CACNG4: variants seen among roughly 807,000 people sequenced by gnomAD.
CACNG4 encodes calcium voltage-gated channel auxiliary subunit gamma 4, also known as voltage-dependent calcium channel gamma-4 subunit.
In CACNG4, 8 loss-of-function variants were observed where a neutral mutation model predicts 22.9. The observed-to-expected ratio is 0.35, with a 90% confidence interval of 0.21 to 0.63. The LOEUF (loss-of-function observed/expected upper bound fraction) is 0.63, where lower values mean the gene tolerates loss of function less well. Among genes scored for constraint, CACNG4 ranks in the 30% least tolerant of loss-of-function variants. CACNG4 has a pLI of 0.72. For missense variants in CACNG4, 357 were observed against 455.4 expected, an observed-to-expected ratio of 0.78 and a Z score of 1.97; for synonymous variants, 188 against 191.9, an observed-to-expected ratio of 0.98 and a Z score of 0.17.
Position 67,032,464 on chromosome 17 carries a change from TG to T in CACNG4, c.*1461del, listed in dbSNP as rs2035613881. 1 of 170,874 alleles carries T rather than the reference TG, an allele frequency of 5.9e-6. No homozygotes were observed. The highest frequency in any genetic ancestry group is 1.3e-4 in the South Asian group (1 of 7,454). The allele number at this position is 170,874 out of a possible 1,614,324, so 10.6% of individuals were successfully genotyped here. A position where few individuals can be genotyped will look rare whatever the true frequency, so the allele number is the denominator to read the frequency against. ...AGTCGCCTGTAGTCCTGGTAGCTGT[TG>T]TGCTTGGAAATAACGAGCGCATCCT... On this transcript the variant is annotated 3_prime_UTR_variant, in exon 4 of 4. Transcript: ENST00000262138.
Position 67,030,171 on chromosome 17 carries a change from G to A in CACNG4, c.446-295G>A, listed in dbSNP as rs1163548826. Among the ~76,000 whole-genome samples the A allele has an allele frequency of 7.0e-6, 1 of 142,984 alleles. No homozygotes were observed. Among genetic ancestry groups the A allele is most frequent in the Non-Finnish European group, 1.5e-5 (1 of 64,736 alleles). The allele number at this position is 142,984 out of a possible 152,430, so 93.8% of individuals were successfully genotyped here. A position where few individuals can be genotyped will look rare whatever the true frequency, so the allele number is the denominator to read the frequency against. ...AATAGGGGTGTGTGTGTGTGTGTGTGTGAAGAGAGAAATTTTTTTTCTGGA... is the reference window on the plus strand; with the variant it reads ...AATAGGGGTGTGTGTGTGTGTGTGTATGAAGAGAGAAATTTTTTTTCTGGA... On this transcript the variant is annotated intron_variant, in intron 3 of 3. Transcript: ENST00000262138. This position sits in a 1 kb window ranked among gnomAD's most constrained non-coding sequence, Gnocchi z 6.4.
chr17:66,991,337 CAA>C (rs113874912), intron 1 of CACNG4, among the ~76,000 whole-genome samples: 1 of 150,380 alleles, frequency 6.6e-6, no homozygotes, highest in African/African-American at 2.4e-5. Context: ...AACAAACAAA[CAA>C]AAAAAAACAC....
intron 2 of CACNG4, among the ~76,000 whole-genome samples, chr17:67,022,837 A>G (rs2035540295): frequency 6.6e-6 from 1 of 152,224 alleles, no homozygotes; most frequent in Admixed American, 6.5e-5. Flanking sequence ...CCTTCCTCCC[A>G]GCCCAGATGC....
intron 1 of CACNG4, among the ~76,000 whole-genome samples, chr17:67,005,529 T>G (rs1176168745): frequency 6.6e-6 from 1 of 152,204 alleles, no homozygotes; most frequent in Non-Finnish European, 1.5e-5. Context: ...CACACGAGCT[T>G]TGATCTCCAG....
chr17:67,031,730 C>A lies in CACNG4; in HGVS notation c.*726C>A. ...TCTTTGCTTCTGGAAGTTTCTGCCT[C>A]ACTCAGAATGGGCAGGACAGACCCA... On this transcript the variant is annotated 3_prime_UTR_variant, in exon 4 of 4. Coordinates refer to ENST00000262138, the MANE Select transcript of CACNG4 (RefSeq NM_014405.4). The surrounding 1 kb of genome is among the most constrained non-coding windows in gnomAD (Gnocchi z 4.0). The A allele has an allele frequency of 2.2e-6, 1 of 456,048 alleles. No homozygotes were observed. The highest frequency in any genetic ancestry group is 4.4e-6 in the Non-Finnish European group (1 of 226,984). The allele number at this position is 456,048 out of a possible 1,614,324, so 28.3% of individuals were successfully genotyped here.
intron 1 of CACNG4, among the ~76,000 whole-genome samples, chr17:66,977,979 G>A (rs548609187): frequency 2.0e-5 from 3 of 152,300 alleles, no homozygotes; most frequent in East Asian, 3.9e-4. Flanking sequence ...ACGCCCTAAG[G>A]AGGCCTATCC....
intron 1 of CACNG4, 122 bp downstream of exon 1, chr17:66,965,253 G>A (rs1165801208): frequency 1.2e-5 from 8 of 647,412 alleles, no homozygotes; most frequent in African/African-American, 2.0e-5. Flanking sequence ...CGCGCGGGCC[G>A]GGGAGAGGGT....
Position 67,032,327 on chromosome 17 carries a change from TG to T in CACNG4, c.*1325del. The T allele has an allele frequency of 3.5e-6, 1 of 286,564 alleles. No individual in the cohort carries two copies. The highest frequency in any genetic ancestry group is 3.6e-5 in the South Asian group (1 of 27,892). 17.8% of individuals were successfully genotyped at this position (286,564 alleles called of 1,614,324 possible). A position where few individuals can be genotyped will look rare whatever the true frequency, so the allele number is the denominator to read the frequency against. ...AAGAGCGTGGAGGCGTGTGCAGGCT[TG>T]GAAGAAGAACTCTCCAGAACATGGA... is the stretch of plus-strand genomic sequence containing the variant. On this transcript the variant is annotated 3_prime_UTR_variant, in exon 4 of 4. Coordinates refer to ENST00000262138, the MANE Select transcript of CACNG4 (RefSeq NM_014405.4).
At chr17:66,992,567 T>A (rs916932034) in intron 1 of CACNG4, among the ~76,000 whole-genome samples, 1 of 152,124 alleles carries the variant, frequency 6.6e-6, no homozygotes, top group Non-Finnish European at 1.5e-5. Flanking sequence ...CATGGCTGGA[T>A]AGAGGGAGGG....
intron 1 of CACNG4, among the ~76,000 whole-genome samples, chr17:67,002,454 A>G (rs529381319): frequency 4.5e-4 from 68 of 152,304 alleles, no homozygotes; most frequent in Middle Eastern, 3.4e-3. Flanking sequence ...GGAACTTGGT[A>G]TCTGGCTGCC....
At chr17:67,014,523 T>C (rs1048235099) in intron 1 of CACNG4, among the ~76,000 whole-genome samples, 1 of 152,162 alleles carries the variant, frequency 6.6e-6, no homozygotes, top group Non-Finnish European at 1.5e-5. Context: ...CCAATGTGGT[T>C]TGAGCTGGTC....
In CACNG4 at chr17:66,965,022, C is replaced by T. The variant is rs775368039; in HGVS notation, c.111C>T (p.Ser37=). ...GCACCGACTACTGGCTGTACTCCAG[C>T]GCGCACATCTGCAACGGCACCAACC... ...AIGTDYWLYS[S]AHICNGTNLT... Residue 37 remains serine (S), a synonymous_variant, in exon 1 of 4, where the codon AGC becomes AGT. Transcript: ENST00000262138. The T allele has an allele frequency of 6.2e-7, 1 of 1,611,408 alleles. No homozygotes were observed. Among genetic ancestry groups the T allele is most frequent in the Non-Finnish European group, 8.5e-7 (1 of 1,179,234 alleles).
chr17:66,999,492 A>G (rs1029249396), intron 1 of CACNG4, among the ~76,000 whole-genome samples: 4 of 152,186 alleles, frequency 2.6e-5, no homozygotes, highest in African/African-American at 9.7e-5. Flanking sequence ...CACATGGCTG[A>G]GGAGGCCTCA....
Position 67,031,088 on chromosome 17 carries a change from A to G in CACNG4, c.*84A>G. 1 of 1,449,652 alleles carries G rather than the reference A, an allele frequency of 6.9e-7. No individual in the cohort carries two copies. Among genetic ancestry groups the G allele is most frequent in the Non-Finnish European group, 9.4e-7 (1 of 1,066,228 alleles). 89.8% of individuals were successfully genotyped at this position (1,449,652 alleles called of 1,614,324 possible). A position where few individuals can be genotyped will look rare whatever the true frequency, so the allele number is the denominator to read the frequency against. On this transcript the variant is annotated 3_prime_UTR_variant, in exon 4 of 4. Transcript: ENST00000262138. The surrounding 1 kb of genome is among the most constrained non-coding windows in gnomAD (Gnocchi z 4.0). ...AGGATGGCATGTGATCCTCAAGACG[A>G]CGAACAATGAACTAAAGCCAAATGC...
At position 66,985,027 on chromosome 17, in the gene CACNG4, G is replaced by A. The variant is rs545608436; in HGVS notation, c.220+19896G>A. On this transcript the variant is annotated intron_variant, in intron 1 of 3. Coordinates refer to ENST00000262138, the MANE Select transcript of CACNG4 (RefSeq NM_014405.4). Reference sequence around the variant, plus strand: ...GACTGACATGGTTGGGGTGAGGAGGGTCTGACCCAAGGGCAAAGAATGGCC... The same window carrying A: ...GACTGACATGGTTGGGGTGAGGAGGATCTGACCCAAGGGCAAAGAATGGCC... 2.0e-5 allele frequency among the ~76,000 whole-genome samples: 3 copies of A among 152,240 alleles called. No homozygotes were observed. In the South Asian group the frequency reaches 6.2e-4, roughly 32 times the overall value.
In CACNG4 at chr17:66,964,886, G is replaced by A; in HGVS notation, c.-26G>A. The A allele has an allele frequency of 7.5e-7, 1 of 1,334,856 alleles. No individual in the cohort carries two copies. Among genetic ancestry groups the A allele is most frequent in the Non-Finnish European group, 9.7e-7 (1 of 1,032,312 alleles). 82.7% of individuals were successfully genotyped at this position (1,334,856 alleles called of 1,614,324 possible). A position where few individuals can be genotyped will look rare whatever the true frequency, so the allele number is the denominator to read the frequency against. ...GGCGGGCGCGGCGGGCCGGGCCGGC[G>A]GGCGGCGGACTATGAGGCGCCCACC... is the stretch of plus-strand genomic sequence containing the variant. On this transcript the variant is annotated 5_prime_UTR_variant, in exon 1 of 4. Transcript: ENST00000262138.
At chr17:67,001,125 AG>A (rs748597262) in intron 1 of CACNG4, among the ~76,000 whole-genome samples, 1 of 152,050 alleles carries the variant, frequency 6.6e-6, no homozygotes, top group Non-Finnish European at 1.5e-5. Context: ...GGTTTTATAA[AG>A]GGCAGTTCCC....
rs564723030 is a variant in CACNG4 at position 67,027,785 on chromosome 17, G to A, written c.446-2681G>A. The stretch of plus-strand genomic sequence containing the variant: ...TGTAATCCCAGCATTTTGGGAGGCC[G>A]AGGCAGGCGGATCACTGGAGGTCAG... On this transcript the variant is annotated intron_variant, in intron 3 of 3. Coordinates refer to ENST00000262138, the MANE Select transcript of CACNG4 (RefSeq NM_014405.4). The surrounding 1 kb of genome is among the most constrained non-coding windows in gnomAD (Gnocchi z 4.3). Among the ~76,000 whole-genome samples, 408 of 152,248 alleles carry A rather than the reference G, an allele frequency of 2.7e-3. 2 individuals are homozygous for A. Among genetic ancestry groups the A allele is most frequent in the South Asian group, 0.01 (49 of 4,818 alleles).
At chr17:67,001,536 C>T (rs576347400) in intron 1 of CACNG4, among the ~76,000 whole-genome samples, 6 of 152,304 alleles carry the variant, frequency 3.9e-5, no homozygotes, top group African/African-American at 1.4e-4. Context: ...CTCTGAGTAG[C>T]CTCCCTGACC....
Sources: gnomAD v4.1 joint callset for allele counts (sites outside exome capture counted in the v4.1 genomes callset) on GRCh38, gnomAD v4.1.1 for gene constraint, Gnocchi (gnomAD v3.1) non-coding constraint, MANE v1.5 for transcripts, NCBI Gene and HGNC (gene_info 2026-07-23, HGNC 2026-07-21) for gene names.